Variants in YLPM1 observed in about 807,000 individuals in gnomAD.
YLPM1 encodes YLP motif containing 1.
A neutral mutation model predicts 230.0 loss-of-function variants in YLPM1; 99 were observed. The observed-to-expected ratio is 0.43, with a 90% CI of 0.37 to 0.51. The LOEUF (loss-of-function observed/expected upper bound fraction) is 0.51, where lower values mean the gene tolerates loss of function less well. YLPM1 is among the 20% of genes least tolerant of loss of function. The probability of loss-of-function intolerance (pLI) is 0.00; values close to 1 mark genes in which losing one functional copy is unlikely to be tolerated. For synonymous variants in YLPM1, 984 were observed against 942.5 expected (o/e 1.04, Z -0.81); for missense variants, 2,592 against 2,707.7 (o/e 0.96, Z 0.95).
At chr14:74,811,500 C>A in intron 9 of YLPM1, 120 bp from the exon 10 acceptor site, 8 of 648,576 alleles carry the variant, frequency 1.2e-5, no homozygotes, top group African/African-American at 3.8e-5. Context: ...AAAAAGTAAA[C>A]ATTTACTGTG....
rs183024879 is a variant in YLPM1, at chr14:74,810,353, C to T, written c.5161C>T (p.Arg1721Trp). The change falls in exon 9 of 21, where the codon CGG becomes TGG. Residue 1721 changes from arginine (R) to tryptophan (W), a missense_variant. Physicochemically the swap from Arg to Trp is moderately radical, Grantham distance 101. Around this residue, in one of 4 missense-constraint regions of YLPM1, gnomAD observed 403 missense variants for 426.7 expected, o/e 0.94. Transcript: ENST00000325680. ...TCGTGAGACACATAGAGATCGAGAC[C>T]GGGATCGTGGTGTTATTGACTATGA... ...RDRETHRDRD[R>W]DRGVIDYDRD... 4.0e-4 allele frequency: 649 copies of T among 1,613,302 alleles called. No homozygotes were observed. Among genetic ancestry groups the T allele is most frequent in the South Asian group, 5.2e-4 (47 of 91,010 alleles).
At position 74,763,469 on chromosome 14, in the gene YLPM1, C is replaced by A. The variant is rs1209187436; in HGVS notation, c.-21C>A. The stretch of plus-strand genomic sequence containing the variant: ...CGACGAGTAACGGCGCCAGGACGAG[C>A]CCTGCGCCTTCTTTTTCGATATGTA... On this transcript the variant is annotated 5_prime_UTR_variant, in exon 1 of 21. Coordinates refer to ENST00000325680, the MANE Select transcript of YLPM1 (RefSeq NM_019589.3). 6 of 1,438,004 alleles carry A rather than the reference C, an allele frequency of 4.2e-6. No homozygotes were observed. The highest frequency in any genetic ancestry group is 4.6e-6 in the Non-Finnish European group (5 of 1,091,444). 89.1% of individuals were successfully genotyped at this position (1,438,004 alleles called of 1,614,324 possible). A position where few individuals can be genotyped will look rare whatever the true frequency, so the allele number is the denominator to read the frequency against.
Position 74,798,670 on chromosome 14 carries a change from C to T in YLPM1, c.3373C>T (p.Leu1125Phe). Reference sequence around the variant, plus strand: ...GGCTGGCAGTCAGGAGAGGGGACCTCTTCGAAGGGCTGGGAGTAGAGAGAG... The same window carrying T: ...GGCTGGCAGTCAGGAGAGGGGACCTTTTCGAAGGGCTGGGAGTAGAGAGAG... Reference protein sequence around the residue: ...RRAGSQERGPLRRAGSRERIP... With the variant: ...RRAGSQERGPFRRAGSRERIP... Residue 1125 changes from leucine (L) to phenylalanine (F), a missense_variant, in exon 5 of 21, where the codon CTT (leucine) becomes TTT (phenylalanine). Around this residue, in one of 4 missense-constraint regions of YLPM1, gnomAD observed 1,862 missense variants for 1,819.8 expected, o/e 1.02. Transcript: ENST00000325680. 6.2e-7 allele frequency: 1 copy of T among 1,611,500 alleles called. No homozygotes were observed. The highest frequency in any genetic ancestry group is 8.5e-7 in the Non-Finnish European group (1 of 1,178,480).
chr14:74,811,513 G>C (rs1419452620), intron 9 of YLPM1, 107 bp from the exon 10 acceptor site: 1 of 735,882 alleles, frequency 1.4e-6, no homozygotes, highest in Non-Finnish European at 2.2e-6. Context: ...TTACTGTGTG[G>C]AGTACCTTCC....
chr14:74,795,843 T>C (rs2091255316), intron 4 of YLPM1, among the ~76,000 whole-genome samples: 1 of 152,232 alleles, frequency 6.6e-6, no homozygotes, highest in Non-Finnish European at 1.5e-5. Context: ...CTTTAACAAG[T>C]TAGAAGTTTA....
At chr14:74,806,523 T>C (rs756280305) in intron 6 of YLPM1, among the ~76,000 whole-genome samples, 3 of 151,904 alleles carry the variant, frequency 2.0e-5, no homozygotes, top group Non-Finnish European at 4.4e-5. Flanking sequence ...ACCTGAGAGG[T>C]AGAGGTTGCA....
Position 74,778,454 on chromosome 14 carries a change from A to G in YLPM1, c.881A>G (p.Gln294Arg), listed in dbSNP as rs752654621. The G allele has an allele frequency of 2.3e-5, 36 of 1,599,526 alleles. No homozygotes were observed. Among genetic ancestry groups the G allele is most frequent in the Admixed American group, 1.2e-4 (7 of 57,590 alleles). ...AAATTGTTTCTGTTGTAGGAACAGCAGCAGTATTGGTATCGACAGCACTTG... is the reference window on the plus strand; with the variant it reads ...AAATTGTTTCTGTTGTAGGAACAGCGGCAGTATTGGTATCGACAGCACTTG... The part of the protein sequence containing the change: ...DPSTMTPQEQ[Q>R]QYWYRQHLLS... Residue 294 changes from glutamine (Q) to arginine (R), a missense_variant, in exon 2 of 21, where the codon CAG (glutamine) becomes CGG (arginine). By Grantham distance (43) the Gln-to-Arg change is conservative (BLOSUM62 1). Coordinates refer to ENST00000325680, the MANE Select transcript of YLPM1 (RefSeq NM_019589.3).
chr14:74,768,304 C>G lies in YLPM1; in HGVS notation c.873+3942C>G, dbSNP rs2090934278. Among the ~76,000 whole-genome samples the G allele has an allele frequency of 3.9e-5, 6 of 152,106 alleles. No individual in the cohort carries two copies. In the South Asian group the frequency reaches 1.2e-3, roughly 32 times the overall value. ...TCACTCTGTCGCTCAGGCTGGAGTG[C>G]AGTGGTGAAATCTCGGCTCACTGCA... On this transcript the variant is annotated intron_variant, in intron 1 of 20. Coordinates refer to ENST00000325680, the MANE Select transcript of YLPM1 (RefSeq NM_019589.3).
intron 6 of YLPM1, among the ~76,000 whole-genome samples, chr14:74,803,084 C>T (rs541503722): frequency 4.0e-5 from 6 of 151,748 alleles, no homozygotes; most frequent in Admixed American, 3.9e-4. Flanking sequence ...AATGGTGAGA[C>T]CCCTATCTCT....
Position 74,763,318 on chromosome 14 carries a change from T to C in YLPM1, c.-172T>C, listed in dbSNP as rs2090866983. The C allele has an allele frequency of 4.4e-6, 3 of 686,916 alleles. No homozygotes were observed. Among genetic ancestry groups the C allele is most frequent in the Non-Finnish European group, 2.1e-6 (1 of 470,526 alleles). 42.6% of individuals were successfully genotyped at this position (686,916 alleles called of 1,614,324 possible). On this transcript the variant is annotated 5_prime_UTR_variant, in exon 1 of 21. Transcript: ENST00000325680. ...AGTCGCCCAAGTCGCGTCCCCGCCT[T>C]CCCGGTCGCGGGCCCAGCTCGGGAG...
chr14:74,769,317 G>T (rs1299532205), intron 1 of YLPM1, among the ~76,000 whole-genome samples: 3 of 120,468 alleles, frequency 2.5e-5, no homozygotes, highest in Non-Finnish European at 3.2e-5. Context: ...TTGTTGCCCA[G>T]GCTGGGGTGC....
intron 11 of YLPM1, among the ~76,000 whole-genome samples, chr14:74,814,620 A>G (rs1022301027): frequency 6.6e-6 from 1 of 152,206 alleles, no homozygotes; most frequent in East Asian, 1.9e-4. Flanking sequence ...ATGGTGTGTA[A>G]TAATTTTTAT....
intron 15 of YLPM1, among the ~76,000 whole-genome samples, chr14:74,817,667 T>G (rs1048695757): frequency 6.6e-6 from 1 of 152,196 alleles, no homozygotes; most frequent in Admixed American, 6.5e-5. Context: ...GTCTGGAAGC[T>G]CTTGTTTATC....
At chr14:74,794,362 A>G (rs1207252923) in intron 4 of YLPM1, among the ~76,000 whole-genome samples, 2 of 152,094 alleles carry the variant, frequency 1.3e-5, no homozygotes, top group African/African-American at 4.8e-5. Flanking sequence ...GTTTTCTATT[A>G]GTAGAGACAG....
chr14:74,788,510 A>G (rs1173724840), intron 4 of YLPM1, among the ~76,000 whole-genome samples: 1 of 152,224 alleles, frequency 6.6e-6, no homozygotes, highest in Admixed American at 6.5e-5. Context: ...TTTAATAACT[A>G]AGTGAATTAC....
In YLPM1 at chr14:74,798,042, G is replaced by GGAAGGGCCC. The variant is rs1421929504; in HGVS notation, c.2747_2755dup (p.Glu916_Pro918dup). ...AAGAGCCACCTAAAAGTGAAGTCTC[G>GGAAGGGCCC]GAAGGGCCCGTAGAGCCCTCTAATT... is the stretch of plus-strand genomic sequence containing the variant. On this transcript the variant is annotated inframe_insertion, in exon 5 of 21. Coordinates refer to ENST00000325680, the MANE Select transcript of YLPM1 (RefSeq NM_019589.3). The GGAAGGGCCC allele has an allele frequency of 1.2e-6, 2 of 1,613,788 alleles. No individual in the cohort carries two copies. The highest frequency in any genetic ancestry group is 1.7e-6 in the Non-Finnish European group (2 of 1,179,822).
At chr14:74,779,384 C>T (rs869123211) in intron 2 of YLPM1, among the ~76,000 whole-genome samples, 1 of 152,056 alleles carries the variant, frequency 6.6e-6, no homozygotes, top group Non-Finnish European at 1.5e-5. Context: ...CAATTTACTC[C>T]TCTGCAAAAT....
chr14:74,772,449 C>T (rs1481135183), intron 1 of YLPM1, among the ~76,000 whole-genome samples: 1 of 151,746 alleles, frequency 6.6e-6, no homozygotes, highest in Admixed American at 6.6e-5. Context: ...ACCTCCGCCT[C>T]CCAGGTTCAA....
At position 74,836,051 on chromosome 14, in the gene YLPM1, A is replaced by C. The variant is rs1168358239; in HGVS notation, c.*313A>C. 4 of 352,136 alleles carry C rather than the reference A, an allele frequency of 1.1e-5. No homozygotes were observed. Among genetic ancestry groups the C allele is most frequent in the South Asian group, 6.7e-5 (3 of 44,784 alleles). 21.8% of individuals were successfully genotyped at this position (352,136 alleles called of 1,614,324 possible). A position where few individuals can be genotyped will look rare whatever the true frequency, so the allele number is the denominator to read the frequency against. ...ACAGAGAGTATTTCCTCCACTGTACAATGTCACAGACTATCTCTATCATCA... is the reference window on the plus strand; with the variant it reads ...ACAGAGAGTATTTCCTCCACTGTACCATGTCACAGACTATCTCTATCATCA... On this transcript the variant is annotated 3_prime_UTR_variant, in exon 21 of 21. Transcript: ENST00000325680.
Sources: allele counts gnomAD v4.1 joint callset (sites outside exome capture counted in the v4.1 genomes callset), GRCh38; gene constraint gnomAD v4.1.1; regional missense constraint gnomAD v4.1.1; transcripts MANE v1.5; gene names NCBI Gene and HGNC (gene_info 2026-07-23, HGNC 2026-07-21).